PACSIN3: variants seen among roughly 807,000 people sequenced by gnomAD.
The protein encoded by PACSIN3 is protein kinase C and casein kinase substrate in neurons 3.
A neutral mutation model predicts 56.1 loss-of-function variants in PACSIN3; 34 were observed. The ratio of observed to expected loss-of-function variants is 0.61; its 90% CI spans 0.46 to 0.81. The LOEUF is 0.81. PACSIN3 is among the 30% of genes least tolerant of loss of function. The probability of loss-of-function intolerance (pLI) is 0.00; values close to 1 mark genes in which losing one functional copy is unlikely to be tolerated. For missense variants in PACSIN3, 535 were observed against 592.4 expected (o/e 0.90, Z 1.01); for synonymous variants, 218 against 229.8 (o/e 0.95, Z 0.46).
chr11:47,185,705 CG>C (rs1328637975), intron 1 of PACSIN3: 3 of 152,280 alleles, frequency 2.0e-5, no homozygotes, highest in Non-Finnish European at 4.4e-5. Context: ...CTCCAGAGCT[CG>C]GCGCCCAGAG....
Position 47,178,629 on chromosome 11 carries a change from C to T in PACSIN3, c.1038-142G>A, listed in dbSNP as rs1422692658. The T allele has an allele frequency of 1.8e-6, 2 of 1,140,830 alleles. No homozygotes were observed. Among genetic ancestry groups the T allele is most frequent in the East Asian group, 2.5e-5 (1 of 39,336 alleles). The allele number at this position is 1,140,830 out of a possible 1,614,324, so 70.7% of individuals were successfully genotyped here. On this transcript the variant is annotated intron_variant, in intron 9 of 10. Transcript: ENST00000298838. The surrounding 1 kb of genome is among the most constrained non-coding windows in gnomAD (Gnocchi z 4.2). ...GAGGTACTAAAGATTCTAGCTCTAC[C>T]TCGCCATGCCCGACTGTGAGCAAAG...
Position 47,179,045 on chromosome 11 carries a change from C to G in PACSIN3, c.901-15G>C. On this transcript the variant is annotated splice_polypyrimidine_tract_variant and intron_variant, in intron 8 of 10. Coordinates refer to ENST00000298838, the MANE Select transcript of PACSIN3 (RefSeq NM_016223.5). This position sits in a 1 kb window ranked among gnomAD's most constrained non-coding sequence, Gnocchi z 4.4. ...AAGGACCACTCCTGTGGGGACAGTG[C>G]TTATAGTCAGGTGGGGCCATCTGAA... The G allele has an allele frequency of 6.2e-7, 1 of 1,614,116 alleles. No homozygotes were observed. The highest frequency in any genetic ancestry group is 8.5e-7 in the Non-Finnish European group (1 of 1,180,012).
intron 4 of PACSIN3, among the ~76,000 whole-genome samples, chr11:47,181,033 C>G (rs192828504): frequency 6.6e-6 from 1 of 151,454 alleles, no homozygotes; most frequent in South Asian, 2.1e-4. Context: ...GAGGCCAAGG[C>G]GGGTGGATCA....
In PACSIN3 at chr11:47,177,885, C is replaced by T. The variant is rs777416410; in HGVS notation, c.*46G>A. ...GTCCGGCTCTCCAGGAGAAGCTGGG[C>T]TCTGAACCAGGGTGGGTAAACGTTG... On this transcript the variant is annotated 3_prime_UTR_variant, in exon 11 of 11. Transcript: ENST00000298838. 4.1e-6 allele frequency: 6 copies of T among 1,455,970 alleles called. No homozygotes were observed. The South Asian group carries it at 4.6e-5, about 11-fold the overall frequency. The allele number at this position is 1,455,970 out of a possible 1,614,324, so 90.2% of individuals were successfully genotyped here.
chr11:47,186,194 C>T lies in PACSIN3; in HGVS notation c.-104+155G>A, dbSNP rs1304461266. 6.6e-6 allele frequency among the ~76,000 whole-genome samples: 1 copy of T among 151,800 alleles called. No individual in the cohort carries two copies. Among genetic ancestry groups the T allele is most frequent in the African/African-American group, 2.4e-5 (1 of 41,370 alleles). ...ATGGGACGGCCCCTCGGCGCGGCTA[C>T]GGCCCTTCCCGTCGGCACGCAGAGC... On this transcript the variant is annotated intron_variant, in intron 1 of 10. Coordinates refer to ENST00000298838, the MANE Select transcript of PACSIN3 (RefSeq NM_016223.5). The surrounding 1 kb of genome is among the most constrained non-coding windows in gnomAD (Gnocchi z 4.5).
chr11:47,177,553 T>A lies in PACSIN3; in HGVS notation c.*378A>T, dbSNP rs1196216773. The A allele has an allele frequency of 4.4e-6, 1 of 225,034 alleles. No individual in the cohort carries two copies. Among genetic ancestry groups the A allele is most frequent in the Non-Finnish European group, 8.7e-6 (1 of 114,808 alleles). The allele number at this position is 225,034 out of a possible 1,614,324, so 13.9% of individuals were successfully genotyped here. ...TTTTGTTTTTGTGTGTGGGTGTGTG[T>A]CAAGTTTTAATACACGCTAGAACAA... On this transcript the variant is annotated 3_prime_UTR_variant, in exon 11 of 11. Coordinates refer to ENST00000298838, the MANE Select transcript of PACSIN3 (RefSeq NM_016223.5).
At position 47,180,572 on chromosome 11, in the gene PACSIN3, C is replaced by T; in HGVS notation, c.330G>A (p.Val110=). 6.2e-7 allele frequency: 1 copy of T among 1,604,226 alleles called. No homozygotes were observed. The highest frequency in any genetic ancestry group is 8.5e-7 in the Non-Finnish European group (1 of 1,179,734). The change falls in exon 5 of 11, where the codon GTG becomes GTA. Residue 110 remains valine (V), a synonymous_variant. Transcript: ENST00000298838. ...GGAAAGCCCCCCGCTGCCAGGCGCG[C>T]ACCCGCTCACTGTCCTGCCCTTGCA... ...EKLQGQDSER[V]RAWQRGAFHR... is the part of the protein sequence containing the mutation.
rs749751566 is a variant in PACSIN3, at chr11:47,178,446, C to T, written c.1079G>A (p.Arg360Gln). The T allele has an allele frequency of 5.6e-6, 9 of 1,613,788 alleles. No individual in the cohort carries two copies. Among genetic ancestry groups the T allele is most frequent in the African/African-American group, 1.3e-5 (1 of 74,900 alleles). The stretch of plus-strand genomic sequence containing the variant: ...CACCCGAACCCCGGTGGCAGCCTTC[C>T]GGGGACTCTCTTCATCTGACCACTC... ...DEEWSDEESP[R>Q]KAATGVRVRA... The change falls in exon 10 of 11, where the codon CGG becomes CAG. Residue 360 changes from arginine (R) to glutamine (Q), a missense_variant. Coordinates refer to ENST00000298838, the MANE Select transcript of PACSIN3 (RefSeq NM_016223.5). The surrounding 1 kb of genome is among the most constrained non-coding windows in gnomAD (Gnocchi z 4.2).
At position 47,178,233 on chromosome 11, in the gene PACSIN3, G is replaced by C. The variant is rs1952927240; in HGVS notation, c.1159+133C>G. The C allele has an allele frequency of 3.8e-6, 5 of 1,317,510 alleles. No homozygotes were observed. Among genetic ancestry groups the C allele is most frequent in the Non-Finnish European group, 5.3e-6 (5 of 940,786 alleles). 81.6% of individuals were successfully genotyped at this position (1,317,510 alleles called of 1,614,324 possible). On this transcript the variant is annotated intron_variant, in intron 10 of 10. Transcript: ENST00000298838. The surrounding 1 kb of genome is among the most constrained non-coding windows in gnomAD (Gnocchi z 4.2). ...CCCTGAATGCAGCCACCAGGCACCAGCTATCTGGACCTGGAACAGCTGAAG... is the reference window on the plus strand; with the variant it reads ...CCCTGAATGCAGCCACCAGGCACCACCTATCTGGACCTGGAACAGCTGAAG...
rs564339227 is a variant in PACSIN3 at position 47,178,718 on chromosome 11, A to C, written c.1037+176T>G. Among the ~76,000 whole-genome samples, 1 of 152,360 alleles carries C rather than the reference A, an allele frequency of 6.6e-6. No individual in the cohort carries two copies. The highest frequency in any genetic ancestry group is 2.1e-4 in the South Asian group (1 of 4,832). On this transcript the variant is annotated intron_variant, in intron 9 of 10. Coordinates refer to ENST00000298838, the MANE Select transcript of PACSIN3 (RefSeq NM_016223.5). The surrounding 1 kb of genome is among the most constrained non-coding windows in gnomAD (Gnocchi z 4.2). Reference sequence around the variant, plus strand: ...ACGAGAGGGAATGTGGGAAATGCCCAGCAAATCTAAACCACTATGAGAACC... The same window carrying C: ...ACGAGAGGGAATGTGGGAAATGCCCCGCAAATCTAAACCACTATGAGAACC...
intron 1 of PACSIN3, chr11:47,183,428 G>A (rs1045799131): frequency 4.6e-5 from 7 of 152,364 alleles, no homozygotes; most frequent in Admixed American, 3.9e-4. Context: ...CCTGGCTTCT[G>A]TGTTGGCCAG....
intron 4 of PACSIN3, among the ~76,000 whole-genome samples, chr11:47,181,289 A>G (rs892639896): frequency 2.7e-5 from 4 of 149,044 alleles, no homozygotes; most frequent in Admixed American, 2.6e-4. Context: ...AGAGGAGCTG[A>G]GATTCAAACC....
At chr11:47,182,256 C>T (rs1953039535) in intron 4 of PACSIN3, 147 bp downstream of exon 4, 3 of 715,212 alleles carry the variant, frequency 4.2e-6, no homozygotes, top group East Asian at 2.7e-5. Flanking sequence ...AATAACACCA[C>T]AGCCATGAGG....
rs779049324 is a variant in PACSIN3, at chr11:47,182,478, G to A, written c.136C>T (p.Arg46Cys). Reference protein sequence around the residue: ...CGDLVSCFQERARIEKAYAQQ... With the variant: ...CGDLVSCFQECARIEKAYAQQ... Reference sequence around the variant, plus strand: ...GCATAAGCCTTCTCGATGCGGGCGCGCTCCTGGAAGCAGCTGACCAGGTCC... The same window carrying A: ...GCATAAGCCTTCTCGATGCGGGCGCACTCCTGGAAGCAGCTGACCAGGTCC... Residue 46 changes from arginine (R) to cysteine (C), a missense_variant, in exon 4 of 11, where the codon CGC (arginine) becomes TGC (cysteine). By Grantham distance (180) the Arg-to-Cys change is radical. Transcript: ENST00000298838. 20 of 1,609,012 alleles carry A rather than the reference G, an allele frequency of 1.2e-5. No homozygotes were observed. The highest frequency in any genetic ancestry group is 2.2e-5 in the East Asian group (1 of 44,892).
At chr11:47,183,988 G>A (rs865804937) in intron 1 of PACSIN3, among the ~76,000 whole-genome samples, 3 of 151,100 alleles carry the variant, frequency 2.0e-5, no homozygotes, top group Admixed American at 6.6e-5. Flanking sequence ...TTATACCACC[G>A]CCTGGGCAAC....
intron 4 of PACSIN3, among the ~76,000 whole-genome samples, chr11:47,181,182 A>G (rs577760601): frequency 8.5e-5 from 13 of 152,190 alleles, no homozygotes; most frequent in Admixed American, 2.0e-4. Flanking sequence ...AAATCACTTG[A>G]ACCCGAGAGG....
chr11:47,186,282 G>A lies in PACSIN3; in HGVS notation c.-104+67C>T, dbSNP rs1252632436. 6.6e-6 allele frequency: 1 copy of A among 151,958 alleles called. No homozygotes were observed. The highest frequency in any genetic ancestry group is 2.4e-5 in the African/African-American group (1 of 41,344). 9.4% of individuals were successfully genotyped at this position (151,958 alleles called of 1,614,324 possible). A position where few individuals can be genotyped will look rare whatever the true frequency, so the allele number is the denominator to read the frequency against. ...ATTGCAAACTTCAGAAGCCGGAGCA[G>A]GAGAGGGCGGGCTCGAGCCACCGCA... On this transcript the variant is annotated intron_variant, in intron 1 of 10. Coordinates refer to ENST00000298838, the MANE Select transcript of PACSIN3 (RefSeq NM_016223.5). The surrounding 1 kb of genome is among the most constrained non-coding windows in gnomAD (Gnocchi z 4.5).
chr11:47,180,221 C>T lies in PACSIN3; in HGVS notation c.568G>A (p.Glu190Lys). 6.2e-7 allele frequency: 1 copy of T among 1,603,814 alleles called. No individual in the cohort carries two copies. The highest frequency in any genetic ancestry group is 8.5e-7 in the Non-Finnish European group (1 of 1,179,966). The change falls in exon 6 of 11, where the codon GAA (glutamate) becomes AAA (lysine). Residue 190 changes from glutamate to lysine, a missense_variant. Transcript: ENST00000298838. The stretch of plus-strand genomic sequence containing the variant: ...TCCTTGGCACAGCGTTCCACCCGTT[C>T]CTGCAGTTTGCGCAGCTGCTCCTGG... ...VSQEQLRKLQ[E>K]RVERCAKEAE...
At chr11:47,185,480 A>T (rs998905238) in intron 1 of PACSIN3, 2 of 152,328 alleles carry the variant, frequency 1.3e-5, no homozygotes, top group African/African-American at 4.8e-5. Flanking sequence ...AGGGGGCGTC[A>T]GTAGGCTGGT....
Sources: allele counts gnomAD v4.1 joint callset (sites outside exome capture counted in the v4.1 genomes callset), GRCh38; gene constraint gnomAD v4.1.1; non-coding constraint Gnocchi (gnomAD v3.1); transcripts MANE v1.5; gene names NCBI Gene and HGNC (gene_info 2026-07-23, HGNC 2026-07-21).